Variants in GRM8 observed in about 807,000 individuals in gnomAD.
The protein encoded by GRM8 is metabotropic glutamate receptor 8.
Under a neutral mutation model 87.2 loss-of-function variants are expected in GRM8, and 47 were observed. The observed-to-expected ratio is 0.54, with a 90% CI of 0.43 to 0.69. The LOEUF is 0.69. GRM8 is among the 30% of genes least tolerant of loss of function. GRM8 has a pLI of 0.00. For missense variants in GRM8, 1,019 were observed against 1,139.2 expected (o/e 0.89, Z 1.52); for synonymous variants, 396 against 404.5 (o/e 0.98, Z 0.25).
chr7:126,637,252 G>A (rs990201860), intron 7 of GRM8, among the ~76,000 whole-genome samples: 18 of 151,932 alleles, frequency 1.2e-4, no homozygotes, highest in Non-Finnish European at 2.5e-4. Flanking sequence ...GGGTGCGAGG[G>A]AAGGATATGA....
intron 8 of GRM8, among the ~76,000 whole-genome samples, chr7:126,548,868 C>T (rs1298195300): frequency 6.6e-6 from 1 of 151,946 alleles, no homozygotes; most frequent in African/African-American, 2.4e-5. Context: ...CTTAGTGGGA[C>T]CAATGGACTT....
chr7:127,040,292 C>A (rs975508436), intron 3 of GRM8, among the ~76,000 whole-genome samples: 2 of 152,000 alleles, frequency 1.3e-5, no homozygotes, highest in Admixed American at 6.5e-5. Context: ...TTGGGTTTGT[C>A]AGTTTATTAC....
chr7:127,007,430 C>T (rs1814428443), intron 3 of GRM8, among the ~76,000 whole-genome samples: 1 of 150,434 alleles, frequency 6.6e-6, no homozygotes, highest in Admixed American at 6.6e-5. Context: ...AACATGTTAC[C>T]CCTTAGGGAA....
intron 2 of GRM8, among the ~76,000 whole-genome samples, chr7:127,154,618 A>T (rs1792610331): frequency 6.6e-6 from 1 of 152,260 alleles, no homozygotes; most frequent in East Asian, 1.9e-4. Flanking sequence ...CACATCATAG[A>T]TTCTCAATGC....
intron 9 of GRM8, among the ~76,000 whole-genome samples, chr7:126,520,179 G>A (rs1449868028): frequency 1.3e-5 from 2 of 151,804 alleles, no homozygotes; most frequent in Admixed American, 1.3e-4. Flanking sequence ...CTAAACAGGG[G>A]AAAAAAGAAG....
chr7:126,490,117 G>A (rs771109298), intron 9 of GRM8, among the ~76,000 whole-genome samples: 4 of 152,070 alleles, frequency 2.6e-5, no homozygotes, highest in Non-Finnish European at 5.9e-5. Context: ...AACTGCATAT[G>A]CAAATTCCCA....
intron 8 of GRM8, among the ~76,000 whole-genome samples, chr7:126,535,367 G>A (rs935277690): frequency 6.6e-6 from 1 of 152,108 alleles, no homozygotes; most frequent in Admixed American, 6.5e-5. Flanking sequence ...CAGGACAGAC[G>A]AGCCCCAAAG....
intron 2 of GRM8, among the ~76,000 whole-genome samples, chr7:127,163,446 G>A (rs1479514756): frequency 6.6e-6 from 1 of 152,198 alleles, no homozygotes; most frequent in Non-Finnish European, 1.5e-5. Context: ...ACCTCCATGG[G>A]TTTCAGCAGC....
intron 7 of GRM8, among the ~76,000 whole-genome samples, chr7:126,613,303 A>T (rs940976067): frequency 5.9e-5 from 9 of 152,198 alleles, no homozygotes; most frequent in Admixed American, 3.3e-4. Flanking sequence ...TTTGTCCACA[A>T]AAAAATTTCA....
chr7:127,184,812 A>G (rs1480101355), intron 2 of GRM8, among the ~76,000 whole-genome samples: 1 of 152,000 alleles, frequency 6.6e-6, no homozygotes, highest in Non-Finnish European at 1.5e-5. Context: ...AATATACAAA[A>G]GTCAATTGCT....
chr7:126,839,072 A>G (rs988536123), intron 6 of GRM8, among the ~76,000 whole-genome samples: 3 of 152,108 alleles, frequency 2.0e-5, no homozygotes, highest in African/African-American at 7.2e-5. Context: ...TCTCCACACT[A>G]CTTGCTGCTA....
chr7:127,177,322 C>T (rs1458682053), intron 2 of GRM8, among the ~76,000 whole-genome samples: 2 of 152,202 alleles, frequency 1.3e-5, no homozygotes, highest in African/African-American at 4.8e-5. Context: ...TCAACCCCAT[C>T]CTCCACATCA....
intron 6 of GRM8, among the ~76,000 whole-genome samples, chr7:126,798,269 A>C (rs1326819605): frequency 6.6e-6 from 1 of 152,166 alleles, no homozygotes; most frequent in Non-Finnish European, 1.5e-5. Flanking sequence ...AAAAGGCTTC[A>C]ACGTTTGCAT....
chr7:127,221,711 G>A (rs1208614319), intron 2 of GRM8, among the ~76,000 whole-genome samples: 1 of 152,116 alleles, frequency 6.6e-6, no homozygotes, highest in Non-Finnish European at 1.5e-5. Context: ...CTGACACTGG[G>A]GTTCTCTCTG....
At chr7:126,830,062 C>T (rs572198124) in intron 6 of GRM8, among the ~76,000 whole-genome samples, 8 of 152,086 alleles carry the variant, frequency 5.3e-5, no homozygotes, top group African/African-American at 9.7e-5. Flanking sequence ...GAGTTTCTGC[C>T]GAGAGATCAG....
intron 2 of GRM8, among the ~76,000 whole-genome samples, chr7:127,217,611 G>A (rs17867797): frequency 0.15 from 22,852 of 152,086 alleles, 2,165 homozygotes; most frequent in Non-Finnish European, 0.2. Context: ...CTACCCCTGG[G>A]GGCCCCCACC....
At chr7:126,719,531 A>G (rs572784305) in intron 7 of GRM8, among the ~76,000 whole-genome samples, 1 of 152,372 alleles carries the variant, frequency 6.6e-6, no homozygotes, top group Non-Finnish European at 1.5e-5. Flanking sequence ...CAGTCATGTC[A>G]TACATGAAAG....
intron 2 of GRM8, among the ~76,000 whole-genome samples, chr7:127,147,161 T>G (rs1178134630): frequency 6.6e-6 from 1 of 151,890 alleles, no homozygotes; most frequent in Non-Finnish European, 1.5e-5. Context: ...AATATTGAAT[T>G]TACAAAAGAA....
At chr7:127,238,512 G>A (rs544710520) in intron 2 of GRM8, among the ~76,000 whole-genome samples, 48 of 152,238 alleles carry the variant, frequency 3.2e-4, no homozygotes, top group African/African-American at 1.1e-3. Flanking sequence ...CCTGCCATTC[G>A]AAAAGCCTCC....
Sources: gnomAD v4.1 joint callset for allele counts (sites outside exome capture counted in the v4.1 genomes callset) on GRCh38, gnomAD v4.1.1 for gene constraint, MANE v1.5 for transcripts, NCBI Gene and HGNC (gene_info 2026-07-23, HGNC 2026-07-21) for gene names.